IRAG2: variants seen among roughly 807,000 people sequenced by gnomAD.
IRAG2 encodes the protein lymphoid restricted membrane protein.
Under a neutral mutation model 69.9 loss-of-function variants are expected in IRAG2, and 45 were observed. That is an observed-to-expected ratio of 0.64 (90% CI 0.51 to 0.83). The LOEUF is 0.83. Among genes scored for constraint, IRAG2 ranks in the 40% least tolerant of loss-of-function variants. IRAG2 has a pLI of 0.00. For synonymous variants in IRAG2, 193 were observed against 202.4 expected (o/e 0.95, Z 0.40); for missense variants, 520 against 587.0 (o/e 0.89, Z 1.18).
At chr12:25,072,247 G>C (rs960216798) in intron 6 of IRAG2, among the ~76,000 whole-genome samples, 3 of 152,046 alleles carry the variant, frequency 2.0e-5, no homozygotes, top group Non-Finnish European at 4.4e-5. Context: ...AGAAATAGGT[G>C]CTAACAGACA....
At position 25,035,649 on chromosome 12, in the gene IRAG2, TCAGAACACTGAAA is replaced by T; in HGVS notation, c.1746_1758del (p.Asn582LysfsTer6). The T allele has an allele frequency of 2.5e-6, 1 of 398,888 alleles. No homozygotes were observed. The highest frequency in any genetic ancestry group is 4.4e-6 in the Non-Finnish European group (1 of 226,032). 24.7% of individuals were successfully genotyped at this position (398,888 alleles called of 1,614,324 possible). A position where few individuals can be genotyped will look rare whatever the true frequency, so the allele number is the denominator to read the frequency against. On this transcript the variant is annotated splice_acceptor_variant and splice_polypyrimidine_tract_variant and coding_sequence_variant and intron_variant, in exon 14 of 39. Coordinates refer to the IRAG2 transcript ENST00000636465. LOFTEE classifies it high-confidence loss of function. The stretch of plus-strand genomic sequence containing the variant: ...AATTGTGGGCATTTCGATCCTTGTT[TCAGAACACTGAAA>T]CAGAAAGGCAGCACAATGTAATCAA...
At chr12:25,068,840 G>A (rs1452660644) in intron 5 of IRAG2, among the ~76,000 whole-genome samples, 1 of 152,090 alleles carries the variant, frequency 6.6e-6, no homozygotes, top group Admixed American at 6.6e-5. Flanking sequence ...TCAGGAACTG[G>A]GGGCATTGAT....
chr12:25,059,610 T>C (rs1043238761), intron 1 of IRAG2, among the ~76,000 whole-genome samples: 2 of 152,166 alleles, frequency 1.3e-5, no homozygotes, highest in African/African-American at 4.8e-5. Context: ...TGCCTCGGTC[T>C]CCCAAAATGC....
At chr12:25,102,302 A>T in intron 17 of IRAG2, 61 bp downstream of exon 17, 1 of 1,389,988 alleles carries the variant, frequency 7.2e-7, no homozygotes, top group South Asian at 1.2e-5. Context: ...TTAAAATGTT[A>T]TTTGAAGTTT....
At chr12:25,007,127 T>C (rs1044356356) in intron 2 of IRAG2, among the ~76,000 whole-genome samples, 4 of 152,230 alleles carry the variant, frequency 2.6e-5, no homozygotes, top group African/African-American at 7.2e-5. Context: ...TGAATCCTTA[T>C]GTATTTGTCA....
chr12:25,023,962 A>AAATCATAT, intron 8 of IRAG2: 1 of 1,071,682 alleles, frequency 9.3e-7, no homozygotes, highest in East Asian at 3.2e-5. Flanking sequence ...ACAAACATGC[A>AAATCATAT]AATCATATCA....
At chr12:25,073,083 G>A (rs4963600) in intron 6 of IRAG2, among the ~76,000 whole-genome samples, 1 of 151,878 alleles carries the variant, frequency 6.6e-6, no homozygotes, top group African/African-American at 2.4e-5. Context: ...CTCTGTGTGA[G>A]TCTGGGAAAG....
intron 9 of IRAG2, 143 bp downstream of exon 9, chr12:25,079,906 A>G: frequency 1.7e-6 from 1 of 582,012 alleles, no homozygotes; most frequent in Non-Finnish European, 3.0e-6. Flanking sequence ...AATTTTGAAG[A>G]TATAGTCTGC....
chr12:25,027,031 CTT>C (rs36008257), intron 9 of IRAG2, among the ~76,000 whole-genome samples: 2,937 of 146,848 alleles, frequency 0.02, 46 homozygotes, highest in Non-Finnish European at 0.032. Context: ...CCTTTTCCTT[CTT>C]TTTTTTTTTT....
In IRAG2 at chr12:25,039,213, T is replaced by C. The variant is rs1591934526; in HGVS notation, c.2144+1076T>C. Reference sequence around the variant, plus strand: ...TTTAAAATGTAATTAGAGACTGAGGTAAGCTTGAAGCAAATAGCCAGAAGA... The same window carrying C: ...TTTAAAATGTAATTAGAGACTGAGGCAAGCTTGAAGCAAATAGCCAGAAGA... On this transcript the variant is annotated intron_variant, in intron 16 of 38. Coordinates refer to the IRAG2 transcript ENST00000636465. Among the ~76,000 whole-genome samples the C allele has an allele frequency of 2.0e-5, 3 of 152,166 alleles. No individual in the cohort carries two copies. In the South Asian group the frequency reaches 6.2e-4, roughly 32 times the overall value.
chr12:25,003,003 G>A (rs1312475001), upstream of IRAG2, among the ~76,000 whole-genome samples: 1 of 152,158 alleles, frequency 6.6e-6, no homozygotes, highest in African/African-American at 2.4e-5. Flanking sequence ...TAAAGGTTGA[G>A]AGATGGTCAT....
intron 14 of IRAG2, among the ~76,000 whole-genome samples, chr12:25,094,368 G>A (rs1322959352): frequency 6.6e-6 from 1 of 151,830 alleles, no homozygotes; most frequent in African/African-American, 2.4e-5. Context: ...TGGATTCTTG[G>A]CACCCTGGTT....
chr12:25,014,281 A>G (rs1354502158), intron 3 of IRAG2, among the ~76,000 whole-genome samples: 1 of 152,142 alleles, frequency 6.6e-6, no homozygotes, highest in Non-Finnish European at 1.5e-5. Flanking sequence ...AAACATTTTT[A>G]TAACAAGTGT....
intron 17 of IRAG2, 63 bp from the exon 18 acceptor site, chr12:25,103,774 G>A: frequency 3.6e-6 from 4 of 1,119,886 alleles, no homozygotes; most frequent in South Asian, 1.3e-5. Flanking sequence ...ATATTTATTG[G>A]TGTTGCATAT....
At chr12:25,050,275 A>T (rs1441416864), upstream of IRAG2, among the ~76,000 whole-genome samples, 2 of 152,056 alleles carry the variant, frequency 1.3e-5, no homozygotes, top group African/African-American at 4.8e-5. Context: ...TCATGCCTGT[A>T]ATCCCAGCAC....
intron 16 of IRAG2, among the ~76,000 whole-genome samples, chr12:25,045,773 T>G (rs1944787656): frequency 6.6e-6 from 1 of 151,296 alleles, no homozygotes; most frequent in African/African-American, 2.4e-5. Context: ...ATGAGATGGC[T>G]TCACTGGTGA....
At chr12:25,014,939 A>G (rs1398357026) in intron 3 of IRAG2, among the ~76,000 whole-genome samples, 1 of 151,938 alleles carries the variant, frequency 6.6e-6, no homozygotes, top group Admixed American at 6.6e-5. Flanking sequence ...TACCACCTAC[A>G]TTAGAAACAG....
At chr12:25,027,902 C>T (rs1245498642) in intron 9 of IRAG2, among the ~76,000 whole-genome samples, 7 of 151,860 alleles carry the variant, frequency 4.6e-5, no homozygotes, top group Non-Finnish European at 8.8e-5. Flanking sequence ...TACTGGGTCA[C>T]TTGATGTTTC....
chr12:25,032,239 G>A (rs1433587090), intron 11 of IRAG2: 1 of 398,906 alleles, frequency 2.5e-6, no homozygotes, highest in Non-Finnish European at 4.4e-6. Flanking sequence ...CTTGCAAGGT[G>A]GGCTTGTTAA....
Sources: gnomAD v4.1 joint callset for allele counts (sites outside exome capture counted in the v4.1 genomes callset) on GRCh38, gnomAD v4.1.1 for gene constraint, MANE v1.5 for transcripts, NCBI Gene and HGNC (gene_info 2026-07-23, HGNC 2026-07-21) for gene names.